LRRC56: variants seen among roughly 807,000 people sequenced by gnomAD.
The protein encoded by LRRC56 is leucine-rich repeat-containing protein 56.
A neutral mutation model predicts 47.8 loss-of-function variants in LRRC56; 41 were observed. The ratio of observed to expected loss-of-function variants is 0.86; its 90% CI spans 0.67 to 1.11. LRRC56 has a LOEUF of 1.11. LRRC56 is among the 50% of genes most tolerant of loss of function. The pLI is 0.00. For missense variants in LRRC56, 759 were observed against 704.2 expected (o/e 1.08, Z -0.88); for synonymous variants, 387 against 311.2 (o/e 1.24, Z -2.56).
the LRRC56 span, among the ~76,000 whole-genome samples, chr11:529,995 C>T: frequency 6.6e-6 from 1 of 152,158 alleles, no homozygotes; most frequent in Non-Finnish European, 1.5e-5. Context: ...CCCTAGGACT[C>T]GGGGTGTGGC....
the LRRC56 span, among the ~76,000 whole-genome samples, chr11:515,956 T>C: frequency 6.6e-6 from 1 of 152,250 alleles, no homozygotes; most frequent in African/African-American, 2.4e-5. Flanking sequence ...AAGATTCTCC[T>C]TTCTCTGCTG....
intron 12 of LRRC56, 39 bp from the exon 13 acceptor site, chr11:552,530 G>T (rs370500300): frequency 1.4e-5 from 22 of 1,551,308 alleles, no homozygotes; most frequent in East Asian, 1.4e-4. Flanking sequence ...TCCCGTGGGG[G>T]GATCAGGGCT....
the LRRC56 span, among the ~76,000 whole-genome samples, chr11:526,642 A>C: frequency 6.6e-6 from 1 of 152,212 alleles, no homozygotes; most frequent in African/African-American, 2.4e-5. Flanking sequence ...CCTACAAAGA[A>C]ATACTGCTCA....
rs771736826 is a variant in LRRC56, at chr11:553,913, C to G, written c.1316-50C>G. Reference sequence around the variant, plus strand: ...GCTGTGGCCTCCCCACCGGGTGACTCCCTTCCCTGACAGCCTTTCTGACGT... The same window carrying G: ...GCTGTGGCCTCCCCACCGGGTGACTGCCTTCCCTGACAGCCTTTCTGACGT... On this transcript the variant is annotated intron_variant, in intron 13 of 13. Coordinates refer to ENST00000270115, the MANE Select transcript of LRRC56 (RefSeq NM_198075.4). The G allele has an allele frequency of 5.1e-6, 8 of 1,563,406 alleles. No individual in the cohort carries two copies. In the East Asian group the frequency reaches 1.8e-4, roughly 35 times the overall value.
In LRRC56 at chr11:554,785, T is replaced by C. The variant is rs1852674788; in HGVS notation, c.*509T>C. ...GATCTGTAGGGTTCCCGCACTGCGA[T>C]AGGGCGGCCCGTTCCCTCCTCTTGG... On this transcript the variant is annotated 3_prime_UTR_variant, in exon 14 of 14. Transcript: ENST00000270115. The C allele has an allele frequency of 3.9e-6, 2 of 517,660 alleles. No individual in the cohort carries two copies. Among genetic ancestry groups the C allele is most frequent in the Non-Finnish European group, 6.8e-6 (2 of 295,994 alleles). The allele number at this position is 517,660 out of a possible 1,614,324, so 32.1% of individuals were successfully genotyped here.
At chr11:510,923 T>C in the LRRC56 span, among the ~76,000 whole-genome samples, 2 of 150,110 alleles carry the variant, frequency 1.3e-5, no homozygotes, top group African/African-American at 2.5e-5. Flanking sequence ...AAATAAATAA[T>C]ATGTTTGTCT....
chr11:531,136 GA>G, the LRRC56 span, among the ~76,000 whole-genome samples: 2 of 148,674 alleles, frequency 1.3e-5, no homozygotes, highest in Non-Finnish European at 3.0e-5. Context: ...GCGTCCCCTG[GA>G]CAGAAGGGGG....
the LRRC56 span, among the ~76,000 whole-genome samples, chr11:527,309 A>G: frequency 6.6e-6 from 1 of 152,034 alleles, no homozygotes; most frequent in Non-Finnish European, 1.5e-5. Flanking sequence ...AAAAAAAAAA[A>G]TTTGCAACGT....
chr11:525,471 G>A, the LRRC56 span, among the ~76,000 whole-genome samples: 25 of 151,880 alleles, frequency 1.6e-4, no homozygotes, highest in East Asian at 5.8e-4. Context: ...CCCAGTAGGC[G>A]GAGCTTGCAG....
Position 551,909 on chromosome 11 carries a change from G to T in LRRC56, c.980G>T (p.Gly327Val), listed in dbSNP as rs1852415390. The T allele has an allele frequency of 6.2e-7, 1 of 1,612,426 alleles. No individual in the cohort carries two copies. Among genetic ancestry groups the T allele is most frequent in the African/African-American group, 1.3e-5 (1 of 74,904 alleles). ...GCCATGCTGTCTCTTGCAGGTGCTG[G>T]CCAAGTCCTCTGTGGGAACCCCACC... ...DNTSSLTHGA[G>V]QVLCGNPTKG... The change falls in exon 11 of 14, where the codon GGC (glycine) becomes GTC (valine). Residue 327 changes from glycine (G) to valine (V), a missense_variant. Transcript: ENST00000270115.
chr11:513,868 C>T, the LRRC56 span, among the ~76,000 whole-genome samples: 1 of 151,948 alleles, frequency 6.6e-6, no homozygotes, highest in Non-Finnish European at 1.5e-5. Flanking sequence ...CCTCAGCCTT[C>T]AGCCACCACC....
chr11:550,384 A>G (rs1043797371), intron 8 of LRRC56, 112 bp downstream of exon 8: 1 of 1,001,266 alleles, frequency 1.0e-6, no homozygotes. Flanking sequence ...CCCGCACCCT[A>G]TGGCCTGCTC....
chr11:544,451 C>G (rs1851972598), intron 5 of LRRC56, among the ~76,000 whole-genome samples: 1 of 152,178 alleles, frequency 6.6e-6, no homozygotes, highest in South Asian at 2.1e-4. Flanking sequence ...GGGCGCGGAG[C>G]CGTGAGGCTT....
chr11:554,760 G>C lies in LRRC56; in HGVS notation c.*484G>C. ...CGGTCCAGGCCTCCCGTCTCCGGGG[G>C]ATCTGTAGGGTTCCCGCACTGCGAT... On this transcript the variant is annotated 3_prime_UTR_variant, in exon 14 of 14. Coordinates refer to ENST00000270115, the MANE Select transcript of LRRC56 (RefSeq NM_198075.4). 1 of 499,290 alleles carries C rather than the reference G, an allele frequency of 2.0e-6. No homozygotes were observed. Among genetic ancestry groups the C allele is most frequent in the Non-Finnish European group, 3.5e-6 (1 of 282,938 alleles). The allele number at this position is 499,290 out of a possible 1,614,324, so 30.9% of individuals were successfully genotyped here.
At chr11:518,389 G>C in the LRRC56 span, among the ~76,000 whole-genome samples, 1 of 152,080 alleles carries the variant, frequency 6.6e-6, no homozygotes, top group Non-Finnish European at 1.5e-5. Flanking sequence ...CATGGTGTTA[G>C]CCAGGATGGT....
intron 6 of LRRC56, among the ~76,000 whole-genome samples, chr11:549,530 C>T (rs757223572): frequency 6.6e-6 from 1 of 152,228 alleles, no homozygotes; most frequent in Non-Finnish European, 1.5e-5. Flanking sequence ...GGCTCCCAGG[C>T]AGCACTCCAG....
At chr11:533,776 G>A (rs144718261), upstream of LRRC56, 10 of 1,613,196 alleles carry the variant, frequency 6.2e-6, no homozygotes, top group African/African-American at 1.1e-4. Flanking sequence ...CTGTACTGGT[G>A]GATGTCCTCA....
At chr11:549,472 C>T (rs1469959626) in intron 6 of LRRC56, among the ~76,000 whole-genome samples, 2 of 152,244 alleles carry the variant, frequency 1.3e-5, no homozygotes, top group African/African-American at 2.4e-5. Context: ...CAGCTCAGCA[C>T]GGGGTCAGCC....
At chr11:527,200 C>G in the LRRC56 span, among the ~76,000 whole-genome samples, 2 of 151,972 alleles carry the variant, frequency 1.3e-5, no homozygotes, top group African/African-American at 4.8e-5. Flanking sequence ...ACTCAGGAGG[C>G]TGAGGCAGGA....
Sources: gnomAD v4.1 joint callset for allele counts (sites outside exome capture counted in the v4.1 genomes callset) on GRCh38, gnomAD v4.1.1 for gene constraint, MANE v1.5 for transcripts, NCBI Gene and HGNC (gene_info 2026-07-23, HGNC 2026-07-21) for gene names.